Variants in INPP4A observed in about 807,000 individuals in gnomAD.
The protein encoded by INPP4A is inositol polyphosphate-4-phosphatase type I A.
A neutral mutation model predicts 119.8 loss-of-function variants in INPP4A; 33 were observed. The observed-to-expected ratio is 0.28, with a 90% CI of 0.21 to 0.37. The LOEUF (loss-of-function observed/expected upper bound fraction) is 0.37, where lower values mean the gene tolerates loss of function less well. INPP4A is among the 10% of genes least tolerant of loss of function. INPP4A has a pLI of 1.00. For synonymous variants in INPP4A, 496 were observed against 500.7 expected (o/e 0.99, Z 0.12); for missense variants, 956 against 1,289.9 (o/e 0.74, Z 3.97).
At chr2:98,496,028 A>G (rs1368658217) in intron 1 of INPP4A, among the ~76,000 whole-genome samples, 1 of 152,186 alleles carries the variant, frequency 6.6e-6, no homozygotes, top group African/African-American at 2.4e-5. Flanking sequence ...TCAGGCTGGA[A>G]TCTGGTGTCT....
intron 9 of INPP4A, 41 bp from the exon 10 acceptor site, chr2:98,539,487 C>G: frequency 2.5e-6 from 4 of 1,584,378 alleles, no homozygotes; most frequent in Non-Finnish European, 3.4e-6. Context: ...GGTCTGCAGC[C>G]AGTTCATTTG....
chr2:98,488,492 G>A (rs1278743841), intron 1 of INPP4A, among the ~76,000 whole-genome samples: 1 of 152,182 alleles, frequency 6.6e-6, no homozygotes, highest in East Asian at 1.9e-4. Context: ...CTCATTCGGA[G>A]TTCTGTACCC....
At chr2:98,551,574 C>T (rs932879425) in intron 13 of INPP4A, among the ~76,000 whole-genome samples, 14 of 152,166 alleles carry the variant, frequency 9.2e-5, no homozygotes, top group African/African-American at 2.9e-4. Flanking sequence ...CACTTTGGGA[C>T]TTCCCTGGGA....
At position 98,577,142 on chromosome 2, in the gene INPP4A, A is replaced by G; in HGVS notation, c.2785A>G (p.Ser929Gly). The change falls in exon 24 of 25, where the codon AGT becomes GGT. Residue 929 changes from serine (S) to glycine (G), a missense_variant and splice_region_variant. Coordinates refer to ENST00000409851, the MANE Select transcript of INPP4A (RefSeq NM_001134225.2). Reference protein sequence around the residue: ...VFTQALECMRSEGCRRENTMK... With the variant: ...VFTQALECMRGEGCRRENTMK... Reference sequence around the variant, plus strand: ...CACCCAGGCCCTGGAGTGCATGCGCAGGTGAGTGCCGCAGCCAGGCCGCGC... The same window carrying G: ...CACCCAGGCCCTGGAGTGCATGCGCGGGTGAGTGCCGCAGCCAGGCCGCGC... 1 of 1,604,470 alleles carries G rather than the reference A, an allele frequency of 6.2e-7. No individual in the cohort carries two copies. The highest frequency in any genetic ancestry group is 8.5e-7 in the Non-Finnish European group (1 of 1,174,404).
chr2:98,543,435 G>C (rs1466904475), intron 10 of INPP4A, among the ~76,000 whole-genome samples: 1 of 152,192 alleles, frequency 6.6e-6, no homozygotes, highest in African/African-American at 2.4e-5. Flanking sequence ...AGGCAAGCAG[G>C]AGGTGGCTCA....
At chr2:98,455,601 C>A (rs896753278) in intron 1 of INPP4A, among the ~76,000 whole-genome samples, 4 of 152,110 alleles carry the variant, frequency 2.6e-5, no homozygotes, top group African/African-American at 7.2e-5. Flanking sequence ...TTGTTCCTCC[C>A]CCGTCGAATC....
intron 1 of INPP4A, among the ~76,000 whole-genome samples, chr2:98,488,229 C>T (rs1280123379): frequency 1.3e-5 from 2 of 152,138 alleles, no homozygotes; most frequent in Non-Finnish European, 2.9e-5. Flanking sequence ...CCTATCCCAG[C>T]CCTAGAATCA....
intron 21 of INPP4A, among the ~76,000 whole-genome samples, chr2:98,567,636 T>A (rs1382533696): frequency 6.6e-6 from 1 of 152,056 alleles, no homozygotes; most frequent in East Asian, 1.9e-4. Context: ...GGGTGGAGGA[T>A]GCAACACTGA....
At chr2:98,539,056 C>A in intron 9 of INPP4A, 75 bp downstream of exon 9, 2 of 752,684 alleles carry the variant, frequency 2.7e-6, no homozygotes, top group South Asian at 1.9e-5. Flanking sequence ...CCTTTGCTCC[C>A]CACCTGCTGC....
intron 1 of INPP4A, among the ~76,000 whole-genome samples, chr2:98,464,929 G>A (rs924530863): frequency 1.3e-5 from 2 of 152,204 alleles, no homozygotes; most frequent in African/African-American, 4.8e-5. Flanking sequence ...TACAGAGCTC[G>A]TTATTGCAGT....
intron 1 of INPP4A, among the ~76,000 whole-genome samples, chr2:98,460,424 G>A (rs2104622324): frequency 6.6e-6 from 1 of 152,188 alleles, no homozygotes; most frequent in South Asian, 2.1e-4. Flanking sequence ...TCACCCGGGG[G>A]GCTCGAGCCC....
At chr2:98,485,983 G>T (rs907984507) in intron 1 of INPP4A, among the ~76,000 whole-genome samples, 1 of 152,164 alleles carries the variant, frequency 6.6e-6, no homozygotes, top group African/African-American at 2.4e-5. Flanking sequence ...AGATGAAAAG[G>T]TTAAACTAGA....
chr2:98,529,827 G>A (rs568699016), intron 4 of INPP4A, among the ~76,000 whole-genome samples: 17 of 152,260 alleles, frequency 1.1e-4, no homozygotes, highest in Middle Eastern at 6.8e-3. Flanking sequence ...TAAAAGAAAC[G>A]TAGTAAAAAT....
At chr2:98,470,414 C>T (rs995957404) in intron 1 of INPP4A, among the ~76,000 whole-genome samples, 1 of 152,210 alleles carries the variant, frequency 6.6e-6, no homozygotes, top group Admixed American at 6.5e-5. Context: ...AGCTCTAAGT[C>T]CTTGCTCCTT....
rs188560439 is a variant in INPP4A at position 98,528,154 on chromosome 2, A to G, written c.152-5223A>G. On this transcript the variant is annotated intron_variant, in intron 4 of 24. Transcript: ENST00000409851. Reference sequence around the variant, plus strand: ...GGAGAGTATGTCTAAAGAACTGAGGAAAGTATGAGAACAGTGTCTCACCAA... The same window carrying G: ...GGAGAGTATGTCTAAAGAACTGAGGGAAGTATGAGAACAGTGTCTCACCAA... 3.3e-4 allele frequency among the ~76,000 whole-genome samples: 51 copies of G among 152,370 alleles called. 1 individual carries two copies. The highest frequency in any genetic ancestry group is 1.2e-3 in the African/African-American group (48 of 41,590).
chr2:98,490,800 C>T (rs1213092080), intron 1 of INPP4A, among the ~76,000 whole-genome samples: 2 of 152,166 alleles, frequency 1.3e-5, no homozygotes, highest in East Asian at 1.9e-4. Flanking sequence ...TGCCTGCCTC[C>T]GGCCAAACAA....
At chr2:98,564,035 C>T (rs1695992207) in intron 18 of INPP4A, among the ~76,000 whole-genome samples, 1 of 151,422 alleles carries the variant, frequency 6.6e-6, no homozygotes, top group African/African-American at 2.4e-5. Flanking sequence ...GGTGCCTTAG[C>T]TCTGCAGCTT....
intron 13 of INPP4A, among the ~76,000 whole-genome samples, chr2:98,549,753 C>A (rs143491408): frequency 2.0e-5 from 3 of 152,008 alleles, no homozygotes; most frequent in Non-Finnish European, 4.4e-5. Context: ...GGACATTCCC[C>A]GATGTCCAGG....
At chr2:98,476,985 G>A (rs1178556940) in intron 1 of INPP4A, among the ~76,000 whole-genome samples, 2 of 152,204 alleles carry the variant, frequency 1.3e-5, no homozygotes, top group East Asian at 3.8e-4. Flanking sequence ...AAGAGCCTCT[G>A]GGGTATCTGA....
Sources: allele counts gnomAD v4.1 joint callset (sites outside exome capture counted in the v4.1 genomes callset), GRCh38; gene constraint gnomAD v4.1.1; transcripts MANE v1.5; gene names NCBI Gene and HGNC (gene_info 2026-07-23, HGNC 2026-07-21).